The following USPL1 variants were observed in gnomAD, a reference collection of about 807,000 sequenced individuals.
USPL1 encodes ubiquitin specific peptidase like 1.
A neutral mutation model predicts 51.5 loss-of-function variants in USPL1; 27 were observed. The observed-to-expected ratio is 0.52, with a 90% CI of 0.39 to 0.72. The LOEUF is 0.72. Ranked by LOEUF, USPL1 falls within the 30% of genes least tolerant of loss-of-function variation. The pLI, the probability that USPL1 is intolerant of heterozygous loss-of-function variation, is 0.00. For synonymous variants in USPL1, 451 were observed against 459.6 expected (o/e 0.98, Z 0.24); for missense variants, 1,226 against 1,268.0 (o/e 0.97, Z 0.50).
In USPL1 at chr13:30,631,203, T is replaced by G; in HGVS notation, c.597T>G (p.Pro199=). ...ATVDVSGTGR[P]SPQNEGCTSK... is the part of the protein sequence containing the mutation. ...TTGATGTCTCTGGAACTGGCAGACC[T>G]TCCCCTCAAAATGAAGGATGTACAT... Residue 199 remains proline (P), a synonymous_variant, in exon 4 of 9, where the codon CCT becomes CCG. Transcript: ENST00000255304. 1 of 1,614,184 alleles carries G rather than the reference T, an allele frequency of 6.2e-7. No homozygotes were observed. The highest frequency in any genetic ancestry group is 1.1e-5 in the South Asian group (1 of 91,082).
chr13:30,637,661 C>A, intron 4 of USPL1, 83 bp from the exon 5 acceptor site: 1 of 1,135,990 alleles, frequency 8.8e-7, no homozygotes, highest in Non-Finnish European at 1.3e-6. Flanking sequence ...ACTGACTCAG[C>A]TTTCATTCTT....
chr13:30,626,837 G>A (rs563578160), intron 3 of USPL1, among the ~76,000 whole-genome samples: 1 of 151,508 alleles, frequency 6.6e-6, no homozygotes, highest in African/African-American at 2.4e-5. Context: ...GTTTACTTTG[G>A]AACATTTAAT....
intron 6 of USPL1, 63 bp from the exon 7 acceptor site, chr13:30,646,869 A>G: frequency 6.5e-7 from 1 of 1,535,662 alleles, no homozygotes; most frequent in Non-Finnish European, 8.8e-7. Flanking sequence ...ACTTTTAGAC[A>G]TTGGTTTAAA....
chr13:30,659,298 T>C lies in USPL1; in HGVS notation c.3221T>C (p.Leu1074Ser), dbSNP rs1951223053. The C allele has an allele frequency of 1.2e-6, 2 of 1,613,970 alleles. No homozygotes were observed. Among genetic ancestry groups the C allele is most frequent in the South Asian group, 1.1e-5 (1 of 91,080 alleles). ...TTTTCCTCCTCAGCATTAAATGCTT[T>C]AGCAAATGACACATTAGACCTACCT... ...EFFSSSALNALANDTLDLPHF... is the reference protein window; with the variant it reads ...EFFSSSALNASANDTLDLPHF... The change falls in exon 9 of 9, where the codon TTA becomes TCA. Residue 1074 changes from leucine to serine, a missense_variant. Physicochemically the swap from Leu to Ser is moderately radical, Grantham distance 145. Coordinates refer to ENST00000255304, the MANE Select transcript of USPL1 (RefSeq NM_005800.5).
chr13:30,646,978 C>T lies in USPL1; in HGVS notation c.1159C>T (p.His387Tyr), dbSNP rs759870651. Reference protein sequence around the residue: ...VTFTNVIPEWHPLNAAHFGPC... With the variant: ...VTFTNVIPEWYPLNAAHFGPC... ...CTTTACAAATGTCATCCCTGAGTGGCACCCACTTAATGCTGCCCATTTTGG... is the reference window on the plus strand; with the variant it reads ...CTTTACAAATGTCATCCCTGAGTGGTACCCACTTAATGCTGCCCATTTTGG... The change falls in exon 7 of 9, where the codon CAC becomes TAC. Residue 387 changes from histidine (H) to tyrosine (Y), a missense_variant. Physicochemically the swap from His to Tyr is moderately conservative, Grantham distance 83 (BLOSUM62 2). Coordinates refer to ENST00000255304, the MANE Select transcript of USPL1 (RefSeq NM_005800.5). 1.2e-6 allele frequency: 2 copies of T among 1,613,914 alleles called. No homozygotes were observed. Among genetic ancestry groups the T allele is most frequent in the South Asian group, 1.1e-5 (1 of 91,058 alleles).
chr13:30,632,489 C>T (rs1950820886), intron 4 of USPL1, among the ~76,000 whole-genome samples: 1 of 146,692 alleles, frequency 6.8e-6, no homozygotes, highest in South Asian at 2.2e-4. Flanking sequence ...TCTCAGCTCA[C>T]TGCAACCTCC....
At chr13:30,620,916 A>G (rs1335615964) in intron 1 of USPL1, among the ~76,000 whole-genome samples, 157 bp from the exon 2 acceptor site, 6 of 152,216 alleles carry the variant, frequency 3.9e-5, no homozygotes, top group Non-Finnish European at 7.3e-5. Flanking sequence ...AAATATAGGT[A>G]TCATTTTCAC....
Position 30,646,560 on chromosome 13 carries a change from A to G in USPL1, c.1113-372A>G, listed in dbSNP as rs1951020027. On this transcript the variant is annotated intron_variant, in intron 6 of 8. Coordinates refer to ENST00000255304, the MANE Select transcript of USPL1 (RefSeq NM_005800.5). ...TTTTTCCCCCTTGGGACATTTGGCA[A>G]CATCTACAGACAACTGGATGCCGTT... Among the ~76,000 whole-genome samples, 12 of 152,348 alleles carry G rather than the reference A, an allele frequency of 7.9e-5. 1 individual carries two copies. The South Asian group carries it at 2.5e-3, about 32-fold the overall frequency.
intron 4 of USPL1, among the ~76,000 whole-genome samples, chr13:30,634,535 T>G (rs1379380914): frequency 1.3e-5 from 2 of 152,210 alleles, no homozygotes; most frequent in African/African-American, 4.8e-5. Flanking sequence ...TGGGGCTGTT[T>G]ATAGTTGTGG....
Position 30,658,313 on chromosome 13 carries a change from T to C in USPL1, c.2236T>C (p.Ser746Pro). ...AACATCTAAGTCATTACAGAATCAG[T>C]CTCTGAAAGAAAATCAGAAGAAGCC... ...TTTSKSLQNQ[S>P]LKENQKKPFV... Residue 746 changes from serine to proline, a missense_variant, in exon 9 of 9, where the codon TCT becomes CCT. Transcript: ENST00000255304. 6.2e-7 allele frequency: 1 copy of C among 1,613,988 alleles called. No individual in the cohort carries two copies.
At chr13:30,632,640 C>T (rs1950822949) in intron 4 of USPL1, among the ~76,000 whole-genome samples, 1 of 152,006 alleles carries the variant, frequency 6.6e-6, no homozygotes, top group South Asian at 2.1e-4. Context: ...TCTTGAACTC[C>T]AGACCTCATG....
intron 3 of USPL1, among the ~76,000 whole-genome samples, chr13:30,626,453 A>G (rs1002035062): frequency 8.5e-5 from 13 of 152,238 alleles, no homozygotes; most frequent in African/African-American, 3.1e-4. Context: ...TCAATCATTT[A>G]TGTATTGTTC....
chr13:30,623,159 G>A (rs971804656), intron 3 of USPL1, among the ~76,000 whole-genome samples: 3 of 152,188 alleles, frequency 2.0e-5, no homozygotes, highest in East Asian at 1.9e-4. Context: ...AGTGCAATTC[G>A]AGCAAAAGCC....
At chr13:30,627,817 A>AT (rs1458958390) in intron 3 of USPL1, among the ~76,000 whole-genome samples, 1 of 151,974 alleles carries the variant, frequency 6.6e-6, no homozygotes, top group Non-Finnish European at 1.5e-5. Context: ...CTCTGTACCC[A>AT]TTAAACAACC....
At chr13:30,648,293 A>G (rs1951043835) in intron 7 of USPL1, among the ~76,000 whole-genome samples, 1 of 152,132 alleles carries the variant, frequency 6.6e-6, no homozygotes, top group African/African-American at 2.4e-5. Context: ...CTTATTAATA[A>G]ATTTTCAATA....
chr13:30,641,570 A>G (rs1190986632), intron 5 of USPL1, among the ~76,000 whole-genome samples: 4 of 152,236 alleles, frequency 2.6e-5, no homozygotes, highest in South Asian at 4.1e-4. Flanking sequence ...AGAGCAACCA[A>G]TTGGAAAAAG....
chr13:30,618,653 C>T (rs962292871), intron 1 of USPL1, among the ~76,000 whole-genome samples: 1 of 152,122 alleles, frequency 6.6e-6, no homozygotes, highest in Non-Finnish European at 1.5e-5. Flanking sequence ...ATTGTGCTAT[C>T]TAACTGGGTT....
At chr13:30,646,555 T>A (rs544388268) in intron 6 of USPL1, among the ~76,000 whole-genome samples, 1 of 152,372 alleles carries the variant, frequency 6.6e-6, no homozygotes, top group South Asian at 2.1e-4. Flanking sequence ...TTGGGACATT[T>A]GGCAACATCT....
chr13:30,631,557 G>A lies in USPL1; in HGVS notation c.868+83G>A. 5.9e-6 allele frequency: 8 copies of A among 1,358,100 alleles called. No individual in the cohort carries two copies. In the South Asian group the frequency reaches 1.0e-4, roughly 17 times the overall value. The allele number at this position is 1,358,100 out of a possible 1,614,324, so 84.1% of individuals were successfully genotyped here. On this transcript the variant is annotated intron_variant, in intron 4 of 8. Coordinates refer to ENST00000255304, the MANE Select transcript of USPL1 (RefSeq NM_005800.5). ...ATTCTGTCACCCAGGCTGGAGTGCA[G>A]TGGCATGATCATGTCTCCTTGCAGC...
Sources: gnomAD v4.1 joint callset for allele counts (sites outside exome capture counted in the v4.1 genomes callset) on GRCh38, gnomAD v4.1.1 for gene constraint, MANE v1.5 for transcripts, NCBI Gene and HGNC (gene_info 2026-07-23, HGNC 2026-07-21) for gene names.